Variants in DNMBP observed in about 807,000 individuals in gnomAD.
The protein encoded by DNMBP is dynamin binding protein, also known as dynamin-binding protein.
Under a neutral mutation model 150.0 loss-of-function variants are expected in DNMBP, and 87 were observed. The ratio of observed to expected loss-of-function variants is 0.58; its 90% CI spans 0.49 to 0.69. The LOEUF (loss-of-function observed/expected upper bound fraction) is 0.69, where lower values mean the gene tolerates loss of function less well. DNMBP is among the 30% of genes least tolerant of loss of function. The pLI is 0.00. For missense variants in DNMBP, 1,774 were observed against 1,949.0 expected (o/e 0.91, Z 1.69); for synonymous variants, 711 against 750.4 (o/e 0.95, Z 0.86).
chr10:99,951,822 A>G (rs190568944), intron 4 of DNMBP, among the ~76,000 whole-genome samples: 14 of 152,266 alleles, frequency 9.2e-5, no homozygotes, highest in East Asian at 5.8e-4. Context: ...CGAACTGTGG[A>G]CTTTTGAGTT....
chr10:99,971,653 T>C (rs997650755), intron 2 of DNMBP, among the ~76,000 whole-genome samples: 39 of 152,178 alleles, frequency 2.6e-4, no homozygotes, highest in Admixed American at 1.8e-3. Context: ...CCTGAGTAGC[T>C]GGGATTACAG....
chr10:99,999,939 A>G (rs996223785), intron 1 of DNMBP, among the ~76,000 whole-genome samples: 8 of 152,238 alleles, frequency 5.3e-5, no homozygotes, highest in Non-Finnish European at 8.8e-5. Context: ...GCGGTATTTC[A>G]GGAATATGAG....
rs114586147 is a variant in DNMBP at position 99,989,347 on chromosome 10, C to G, written c.-10-17213G>C. ...GCCTGTCCTCTGGTGCTCCTGTAATCTGCCATTAGAAGAGCATGCCCTGAA... is the reference window on the plus strand; with the variant it reads ...GCCTGTCCTCTGGTGCTCCTGTAATGTGCCATTAGAAGAGCATGCCCTGAA... On this transcript the variant is annotated intron_variant, in intron 1 of 16. Transcript: ENST00000324109. 8.0e-3 allele frequency among the ~76,000 whole-genome samples: 1,221 copies of G among 152,296 alleles called. 19 individuals carry two copies. The highest frequency in any genetic ancestry group is 0.028 in the African/African-American group (1,168 of 41,562).
At chr10:99,966,013 T>C (rs1335173209) in intron 3 of DNMBP, among the ~76,000 whole-genome samples, 1 of 152,256 alleles carries the variant, frequency 6.6e-6, no homozygotes, top group Non-Finnish European at 1.5e-5. Flanking sequence ...AGTGATTTTG[T>C]TTCCCACCAG....
intron 4 of DNMBP, among the ~76,000 whole-genome samples, chr10:99,935,536 G>C (rs1245747340): frequency 6.6e-6 from 1 of 152,054 alleles, no homozygotes; most frequent in East Asian, 1.9e-4. Flanking sequence ...ACAGGCAATA[G>C]CCACCTTGCC....
At position 99,924,071 on chromosome 10, in the gene DNMBP, T is replaced by C. The variant is rs1361864595; in HGVS notation, c.2261-14925A>G. On this transcript the variant is annotated intron_variant, in intron 4 of 16. Transcript: ENST00000324109. The stretch of plus-strand genomic sequence containing the variant: ...CGGGAGGCTGAGACAGGAGAATCGC[T>C]TGAACCTGGGAGGCAGAGGTTGCAG... Among the ~76,000 whole-genome samples the C allele has an allele frequency of 2.1e-5, 3 of 146,112 alleles. No individual in the cohort carries two copies. In the South Asian group the frequency reaches 6.5e-4, roughly 32 times the overall value.
intron 16 of DNMBP, among the ~76,000 whole-genome samples, chr10:99,879,084 C>CAAAAAAAAAAA (rs71009780): frequency 0.28 from 16,935 of 60,204 alleles, 2,661 homozygotes; most frequent in Non-Finnish European, 0.36. Flanking sequence ...GACTCTGTCT[C>CAAAAAAAAAAA]AAAAAAAAAA....
chr10:99,885,946 T>G, intron 13 of DNMBP, 80 bp from the exon 14 acceptor site: 1 of 1,323,986 alleles, frequency 7.6e-7, no homozygotes, highest in Non-Finnish European at 1.0e-6. Flanking sequence ...GAAAACATGA[T>G]GAAAGATCCC....
chr10:99,925,900 G>A (rs1300413089), intron 4 of DNMBP, among the ~76,000 whole-genome samples: 1 of 152,150 alleles, frequency 6.6e-6, no homozygotes, highest in Admixed American at 6.5e-5. Context: ...ACCCAGTCAT[G>A]AGTGGCTACC....
rs1397635304 is a variant in DNMBP at position 99,969,693 on chromosome 10, G to A, written c.146-456C>T. On this transcript the variant is annotated intron_variant, in intron 2 of 16. Coordinates refer to ENST00000324109, the MANE Select transcript of DNMBP (RefSeq NM_015221.4). Reference sequence around the variant, plus strand: ...GAAAACAATAGCATTTGAATCTGACGGTGGACAAGGTTTTAATAGGTGGTG... The same window carrying A: ...GAAAACAATAGCATTTGAATCTGACAGTGGACAAGGTTTTAATAGGTGGTG... 6.6e-5 allele frequency among the ~76,000 whole-genome samples: 10 copies of A among 152,102 alleles called. No homozygotes were observed. In the South Asian group the frequency reaches 1.0e-3, roughly 16 times the overall value.
intron 3 of DNMBP, chr10:99,957,431 C>G: frequency 5.2e-6 from 3 of 573,786 alleles, no homozygotes. Flanking sequence ...CTCCAAGATC[C>G]TAGCAGAGAA....
intron 3 of DNMBP, among the ~76,000 whole-genome samples, chr10:99,961,261 C>T (rs2040560202): frequency 7.6e-6 from 1 of 132,280 alleles, no homozygotes; most frequent in Admixed American, 8.1e-5. Flanking sequence ...TATTTCTTCC[C>T]TTTTTCTTTT....
intron 11 of DNMBP, among the ~76,000 whole-genome samples, chr10:99,892,738 A>G (rs2133215261): frequency 6.6e-6 from 1 of 151,060 alleles, no homozygotes; most frequent in East Asian, 1.9e-4. Context: ...TGTGAGAAAC[A>G]CCCAAGAATT....
intron 3 of DNMBP, chr10:99,957,762 G>GGA (rs1295380284): frequency 2.0e-5 from 3 of 153,786 alleles, no homozygotes; most frequent in Non-Finnish European, 2.9e-5. Flanking sequence ...CTTGAACCCA[G>GGA]GAGGTCAAGG....
intron 1 of DNMBP, among the ~76,000 whole-genome samples, chr10:99,994,794 C>T (rs1589453425): frequency 6.6e-6 from 1 of 152,212 alleles, no homozygotes; most frequent in South Asian, 2.1e-4. Context: ...CCTTTAAACA[C>T]ATCAAACTAT....
intron 3 of DNMBP, among the ~76,000 whole-genome samples, chr10:99,964,677 C>G (rs2040601138): frequency 6.6e-6 from 1 of 151,502 alleles, no homozygotes; most frequent in African/African-American, 2.4e-5. Flanking sequence ...TCGAGACCAG[C>G]TTGGCCAAAA....
chr10:99,957,269 A>G, intron 3 of DNMBP, 64 bp from the exon 4 acceptor site: 3 of 1,404,752 alleles, frequency 2.1e-6, no homozygotes, highest in Middle Eastern at 2.4e-4. Flanking sequence ...TATCACGACT[A>G]ATAGTGCAAC....
intron 15 of DNMBP, among the ~76,000 whole-genome samples, chr10:99,880,637 G>C (rs1190448123): frequency 6.6e-6 from 1 of 152,212 alleles, no homozygotes; most frequent in Non-Finnish European, 1.5e-5. Context: ...CCTCACAACA[G>C]ATGCATGCTC....
intron 9 of DNMBP, 151 bp from the exon 10 acceptor site, chr10:99,896,548 A>G: frequency 3.9e-6 from 3 of 769,360 alleles, no homozygotes; most frequent in Non-Finnish European, 6.4e-6. Flanking sequence ...ATGGACAGAC[A>G]TGATATCTGA....
Sources: allele counts gnomAD v4.1 joint callset (sites outside exome capture counted in the v4.1 genomes callset), GRCh38; gene constraint gnomAD v4.1.1; transcripts MANE v1.5; gene names NCBI Gene and HGNC (gene_info 2026-07-23, HGNC 2026-07-21).